The following HKDC1 variants were observed in gnomAD, a reference collection of about 807,000 sequenced individuals.
HKDC1 encodes the protein hexokinase HKDC1.
HKDC1 carries 66 observed loss-of-function variants against 96.6 expected under a neutral mutation model. The ratio of observed to expected loss-of-function variants is 0.68; its 90% confidence interval spans 0.56 to 0.84. The LOEUF is 0.84. Ranked by LOEUF, HKDC1 falls within the 40% of genes least tolerant of loss-of-function variation. The pLI is 0.00. For missense variants in HKDC1, 1,211 were observed against 1,208.1 expected, an observed-to-expected ratio of 1.00 and a Z score of -0.04; for synonymous variants, 466 against 473.1, an observed-to-expected ratio of 0.98 and a Z score of 0.20.
chr10:69,260,688 C>G (rs1419151780), intron 15 of HKDC1, among the ~76,000 whole-genome samples: 2 of 152,136 alleles, frequency 1.3e-5, no homozygotes, highest in Non-Finnish European at 2.9e-5. Context: ...AGTGCCTGGT[C>G]AGTACAAGGC....
At position 69,232,831 on chromosome 10, in the gene HKDC1, T is replaced by C. The variant is rs372918788; in HGVS notation, c.294T>C (p.Ala98=). ...TCCGAGTGCTGAAGGTGCAAGTCGC[T>C]GAAGAGGGGAAGCGACACGTGCAGA... ...SKFRVLKVQV[A]EEGKRHVQME... The change falls in exon 3 of 18, where the codon GCT becomes GCC. Residue 98 remains alanine, a synonymous_variant. Transcript: ENST00000354624. 116 of 1,614,024 alleles carry C rather than the reference T, an allele frequency of 7.2e-5. No individual in the cohort carries two copies. Among genetic ancestry groups the C allele is most frequent in the Non-Finnish European group, 9.4e-5 (111 of 1,180,044 alleles).
chr10:69,262,890 T>C (rs1843829142), intron 16 of HKDC1, among the ~76,000 whole-genome samples: 2 of 151,672 alleles, frequency 1.3e-5, no homozygotes, highest in South Asian at 2.1e-4. Context: ...TCATAAGCAA[T>C]AGACCGACAA....
Position 69,247,528 on chromosome 10 carries a change from C to A in HKDC1, c.1200C>A (p.Asn400Lys). ...CCATCCTGACACGCCTCCGGGAGAA[C>A]AAGAAGGTGGAACGGCTCCGGACCA... is the stretch of plus-strand genomic sequence containing the variant. ...LAAILTRLRE[N>K]KKVERLRTTV... The change falls in exon 9 of 18, where the codon AAC becomes AAA. Residue 400 changes from asparagine (N) to lysine (K), a missense_variant. Asn to Lys is a moderately conservative substitution (Grantham distance 94). Coordinates refer to ENST00000354624, the MANE Select transcript of HKDC1 (RefSeq NM_025130.4). 1.2e-6 allele frequency: 2 copies of A among 1,614,172 alleles called. No individual in the cohort carries two copies. Among genetic ancestry groups the A allele is most frequent in the Admixed American group, 1.7e-5 (1 of 60,024 alleles).
intron 16 of HKDC1, among the ~76,000 whole-genome samples, chr10:69,265,190 G>GA (rs1281114296): frequency 6.6e-6 from 1 of 152,144 alleles, no homozygotes; most frequent in African/African-American, 2.4e-5. Flanking sequence ...GGGAAAGTGC[G>GA]AGAGGTGGTG....
At chr10:69,245,768 A>T (rs547084459) in intron 7 of HKDC1, among the ~76,000 whole-genome samples, 1 of 152,304 alleles carries the variant, frequency 6.6e-6, no homozygotes, top group African/African-American at 2.4e-5. Context: ...TCTCTTGGAC[A>T]GAAGCTTGAT....
rs945019131 is a variant in HKDC1, at chr10:69,266,894, C to T, written c.*137C>T. 1.7e-5 allele frequency: 13 copies of T among 773,098 alleles called. No individual in the cohort carries two copies. Among genetic ancestry groups the T allele is most frequent in the African/African-American group, 8.7e-5 (5 of 57,520 alleles). The allele number at this position is 773,098 out of a possible 1,614,324, so 47.9% of individuals were successfully genotyped here. On this transcript the variant is annotated 3_prime_UTR_variant, in exon 18 of 18. Transcript: ENST00000354624. ...TGGCCGAAAGAGAACCCCAGGTTCT[C>T]GGGTACTCTTAGTATCTTGTACTGG...
Position 69,250,562 on chromosome 10 carries a change from C to G in HKDC1, c.1746C>G (p.Ala582=), listed in dbSNP as rs369512531. 35 of 1,613,960 alleles carry G rather than the reference C, an allele frequency of 2.2e-5. No homozygotes were observed. Among genetic ancestry groups the G allele is most frequent in the East Asian group, 4.5e-5 (2 of 44,888 alleles). The stretch of plus-strand genomic sequence containing the variant: ...TTGATCACATTGTGCAGTGCATCGC[C>G]GACTTCCTGGACTACATGGGCCTCA... The part of the protein sequence containing the change: ...ELFDHIVQCI[A]DFLDYMGLKG... Residue 582 remains alanine (A), a synonymous_variant, in exon 12 of 18, where the codon GCC becomes GCG. Transcript: ENST00000354624.
Position 69,258,755 on chromosome 10 carries a change from T to A in HKDC1, c.2033-21T>A, listed in dbSNP as rs565560554. On this transcript the variant is annotated intron_variant, in intron 14 of 17. Transcript: ENST00000354624. ...CTGGTGATGTCTTTGAAGACTAAGG[T>A]TCCTTCACAATTCCTTCTAGGAACA... is the stretch of plus-strand genomic sequence containing the variant. 9.3e-6 allele frequency: 15 copies of A among 1,613,458 alleles called. No homozygotes were observed. In the South Asian group the frequency reaches 1.5e-4, roughly 17 times the overall value.
intron 1 of HKDC1, among the ~76,000 whole-genome samples, chr10:69,224,926 A>G (rs151042134): frequency 1.4e-3 from 208 of 152,314 alleles, no homozygotes; most frequent in African/African-American, 4.8e-3. Context: ...CCCTGGTTAC[A>G]CATACCCCAC....
intron 10 of HKDC1, among the ~76,000 whole-genome samples, chr10:69,249,464 T>C (rs2132361093): frequency 6.6e-6 from 1 of 152,322 alleles, no homozygotes; most frequent in Middle Eastern, 3.4e-3. Context: ...ATCTCTTAAC[T>C]GAGAGCAGTA....
intron 1 of HKDC1, chr10:69,226,134 T>C (rs780920862): frequency 6.6e-6 from 1 of 152,158 alleles, no homozygotes; most frequent in African/African-American, 2.4e-5. Flanking sequence ...TGTTAATTAG[T>C]GTGAGGGAGG....
intron 7 of HKDC1, 146 bp from the exon 8 acceptor site, chr10:69,245,933 C>A: frequency 1.1e-6 from 1 of 924,672 alleles, no homozygotes; most frequent in Non-Finnish European, 1.6e-6. Context: ...AAAGTTCTTG[C>A]CATCCAGCAC....
intron 14 of HKDC1, among the ~76,000 whole-genome samples, chr10:69,257,692 G>A (rs901001370): frequency 6.6e-6 from 1 of 151,964 alleles, no homozygotes; most frequent in South Asian, 2.1e-4. Context: ...TCATGGGGGG[G>A]GGAAGGAGAC....
In HKDC1 at chr10:69,266,937, A is replaced by G. The variant is rs1411675575; in HGVS notation, c.*180A>G. The G allele has an allele frequency of 1.8e-6, 1 of 546,350 alleles. No homozygotes were observed. Among genetic ancestry groups the G allele is most frequent in the Non-Finnish European group, 3.1e-6 (1 of 318,180 alleles). 33.8% of individuals were successfully genotyped at this position (546,350 alleles called of 1,614,324 possible). On this transcript the variant is annotated 3_prime_UTR_variant, in exon 18 of 18. Coordinates refer to ENST00000354624, the MANE Select transcript of HKDC1 (RefSeq NM_025130.4). ...TGTACTGGATTTGCAGTGACATTAC[A>G]TGACATCTCTATTTGGTATATTTGG...
chr10:69,251,349 G>C (rs1006547535), intron 12 of HKDC1, among the ~76,000 whole-genome samples: 3 of 152,082 alleles, frequency 2.0e-5, no homozygotes, highest in Admixed American at 1.3e-4. Context: ...ACCTGTCTCG[G>C]CCTCCCAAAG....
At chr10:69,264,852 G>T (rs1843866620) in intron 16 of HKDC1, among the ~76,000 whole-genome samples, 1 of 152,190 alleles carries the variant, frequency 6.6e-6, no homozygotes, top group Non-Finnish European at 1.5e-5. Flanking sequence ...GGGAGTCAGG[G>T]CTCCGTTTAA....
chr10:69,243,499 C>CTTTTTCCT (rs1843488968), intron 7 of HKDC1, 134 bp downstream of exon 7: 1 of 488,858 alleles, frequency 2.0e-6, no homozygotes, highest in Admixed American at 4.4e-5. Context: ...TTTCTTTTTC[C>CTTTTTCCT]TTTTTTTTTT....
chr10:69,263,664 A>G (rs1044056482), intron 16 of HKDC1, among the ~76,000 whole-genome samples: 10 of 152,146 alleles, frequency 6.6e-5, no homozygotes, highest in African/African-American at 2.4e-4. Flanking sequence ...CCTGCTTCAT[A>G]ACAGAAATAA....
intron 1 of HKDC1, chr10:69,223,371 G>T (rs540934995): frequency 1.3e-5 from 2 of 152,098 alleles, no homozygotes; most frequent in South Asian, 4.2e-4. Context: ...TGTTTATAAG[G>T]TACATACAGT....
Sources: gnomAD v4.1 joint callset for allele counts (sites outside exome capture counted in the v4.1 genomes callset) on GRCh38, gnomAD v4.1.1 for gene constraint, MANE v1.5 for transcripts, NCBI Gene and HGNC (gene_info 2026-07-23, HGNC 2026-07-21) for gene names.